Variants in AGXT2 observed in about 807,000 individuals in gnomAD.
AGXT2 encodes the protein alanine--glyoxylate aminotransferase 2, mitochondrial.
Under a neutral mutation model 62.5 loss-of-function variants are expected in AGXT2, and 61 were observed. The observed-to-expected ratio is 0.98, with a 90% CI of 0.79 to 1.21. The LOEUF is 1.21. AGXT2 is among the 50% of genes most tolerant of loss of function. The probability of loss-of-function intolerance (pLI) is 0.00; values close to 1 mark genes in which losing one functional copy is unlikely to be tolerated. For synonymous variants in AGXT2, 243 were observed against 218.7 expected (o/e 1.11, Z -0.98); for missense variants, 666 against 641.5 (o/e 1.04, Z -0.41).
At chr5:35,044,105 A>G (rs1438773222) in intron 1 of AGXT2, among the ~76,000 whole-genome samples, 1 of 152,198 alleles carries the variant, frequency 6.6e-6, no homozygotes, top group Non-Finnish European at 1.5e-5. Context: ...TAGGAAAGGA[A>G]GATTTCATCC....
At chr5:35,019,844 A>G (rs1488123985) in intron 9 of AGXT2, among the ~76,000 whole-genome samples, 3 of 152,192 alleles carry the variant, frequency 2.0e-5, no homozygotes, top group African/African-American at 7.2e-5. Context: ...ATAAAGAAAA[A>G]AAGAGAGAAG....
chr5:35,019,759 C>G (rs1377191577), intron 9 of AGXT2, among the ~76,000 whole-genome samples: 2 of 152,056 alleles, frequency 1.3e-5, no homozygotes, highest in African/African-American at 4.8e-5. Context: ...ACAAAAAACC[C>G]TTCAAAAAAT....
intron 2 of AGXT2, among the ~76,000 whole-genome samples, chr5:35,039,976 C>T (rs17306298): frequency 0.21 from 31,931 of 151,906 alleles, 3,400 homozygotes; most frequent in Middle Eastern, 0.25. Flanking sequence ...TCATAAATAC[C>T]TATTGATTCT....
At chr5:35,043,836 G>A (rs953114093) in intron 1 of AGXT2, among the ~76,000 whole-genome samples, 1 of 152,106 alleles carries the variant, frequency 6.6e-6, no homozygotes, top group Non-Finnish European at 1.5e-5. Flanking sequence ...GACCATAGGG[G>A]CATGCCACCA....
intron 9 of AGXT2, among the ~76,000 whole-genome samples, chr5:35,021,380 G>C (rs1767074795): frequency 6.6e-6 from 1 of 151,278 alleles, no homozygotes; most frequent in Non-Finnish European, 1.5e-5. Flanking sequence ...CAGAGATATA[G>C]ATCAATGGAA....
intron 13 of AGXT2, among the ~76,000 whole-genome samples, chr5:35,001,279 G>A (rs1186674475): frequency 6.6e-6 from 1 of 152,146 alleles, no homozygotes; most frequent in Non-Finnish European, 1.5e-5. Context: ...CAACATGAGA[G>A]CTTCTTCCTC....
intron 5 of AGXT2, among the ~76,000 whole-genome samples, chr5:35,034,208 G>T (rs1361702719): frequency 6.6e-6 from 1 of 151,906 alleles, no homozygotes; most frequent in Non-Finnish European, 1.5e-5. Flanking sequence ...TACTTTTAAT[G>T]GCAGAAATCT....
intron 7 of AGXT2, 32 bp from the exon 8 acceptor site, chr5:35,026,542 C>T: frequency 6.4e-7 from 1 of 1,567,040 alleles, no homozygotes; most frequent in Non-Finnish European, 8.8e-7. Flanking sequence ...ACAAAACAAA[C>T]CACAGCATTT....
chr5:35,036,898 T>A, intron 4 of AGXT2, 44 bp downstream of exon 4: 1 of 1,612,732 alleles, frequency 6.2e-7, no homozygotes, highest in East Asian at 2.2e-5. Flanking sequence ...CATACCTTTT[T>A]TTTTCCCCCA....
At chr5:35,005,952 C>T (rs962650852) in intron 12 of AGXT2, among the ~76,000 whole-genome samples, 1 of 152,144 alleles carries the variant, frequency 6.6e-6, no homozygotes, top group African/African-American at 2.4e-5. Context: ...TTCCTAGGGA[C>T]ACCTTCTATT....
intron 12 of AGXT2, among the ~76,000 whole-genome samples, chr5:35,005,673 G>GAA (rs61000665): frequency 0.25 from 37,015 of 150,004 alleles, 4,843 homozygotes; most frequent in East Asian, 0.46. Context: ...CATCCTCAGG[G>GAA]AAAAAAAGCA....
Position 34,998,235 on chromosome 5 carries a change from G to A in AGXT2, c.*484C>T. 1 of 183,208 alleles carries A rather than the reference G, an allele frequency of 5.5e-6. No individual in the cohort carries two copies. The highest frequency in any genetic ancestry group is 1.2e-5 in the Non-Finnish European group (1 of 86,244). 11.3% of individuals were successfully genotyped at this position (183,208 alleles called of 1,614,324 possible). A position where few individuals can be genotyped will look rare whatever the true frequency, so the allele number is the denominator to read the frequency against. ...ATCCATCTTCCAACCTCACCAAAAA[G>A]GGTTGTCCTCATGACTACAAGCCGG... On this transcript the variant is annotated 3_prime_UTR_variant, in exon 14 of 14. Transcript: ENST00000231420.
intron 3 of AGXT2, 122 bp downstream of exon 3, chr5:35,039,202 C>T: frequency 8.5e-7 from 1 of 1,183,016 alleles, no homozygotes; most frequent in Non-Finnish European, 1.3e-6. Context: ...AGTATGTCAG[C>T]CACAATCTGT....
intron 13 of AGXT2, among the ~76,000 whole-genome samples, chr5:35,001,735 C>T (rs971870132): frequency 6.6e-6 from 1 of 152,116 alleles, no homozygotes; most frequent in African/African-American, 2.4e-5. Context: ...TGTACTCTGC[C>T]ACATTTCATG....
At chr5:35,013,261 A>C (rs750731899) in intron 10 of AGXT2, among the ~76,000 whole-genome samples, 5 of 152,208 alleles carry the variant, frequency 3.3e-5, no homozygotes, top group Non-Finnish European at 7.3e-5. Flanking sequence ...ATTTGGAGAT[A>C]GTGCGTTTAA....
intron 12 of AGXT2, among the ~76,000 whole-genome samples, chr5:35,005,821 C>T (rs892099113): frequency 6.6e-6 from 1 of 151,856 alleles, no homozygotes; most frequent in South Asian, 2.1e-4. Flanking sequence ...AATGGACCAT[C>T]GTGTTTATCT....
chr5:35,043,904 C>T, intron 1 of AGXT2, among the ~76,000 whole-genome samples: 1 of 152,134 alleles, frequency 6.6e-6, no homozygotes, highest in East Asian at 1.9e-4. Flanking sequence ...ATTGCCCAGG[C>T]TGATCTCAAA....
At chr5:35,028,477 C>T (rs2112250712) in intron 7 of AGXT2, among the ~76,000 whole-genome samples, 1 of 151,166 alleles carries the variant, frequency 6.6e-6, no homozygotes, top group South Asian at 2.1e-4. Context: ...GGAAGATTGC[C>T]CAGCAGACTT....
chr5:35,008,764 T>C (rs1318722467), intron 12 of AGXT2, among the ~76,000 whole-genome samples: 4 of 152,190 alleles, frequency 2.6e-5, no homozygotes, highest in Non-Finnish European at 5.9e-5. Context: ...TCTAAAAAAT[T>C]GAGCATCAAT....
Sources: gnomAD v4.1 joint callset for allele counts (sites outside exome capture counted in the v4.1 genomes callset) on GRCh38, gnomAD v4.1.1 for gene constraint, MANE v1.5 for transcripts, NCBI Gene and HGNC (gene_info 2026-07-23, HGNC 2026-07-21) for gene names.